PCDHGA6: variants seen among roughly 807,000 people sequenced by gnomAD.
PCDHGA6 encodes the protein protocadherin gamma-A6.
Under a neutral mutation model 60.6 loss-of-function variants are expected in PCDHGA6, and 41 were observed. That is an observed-to-expected ratio of 0.68 (90% CI 0.53 to 0.88). The LOEUF is 0.88. Ranked by LOEUF, PCDHGA6 falls within the 40% of genes least tolerant of loss-of-function variation. The probability of loss-of-function intolerance (pLI) is 0.00; values close to 1 mark genes in which losing one functional copy is unlikely to be tolerated. For synonymous variants in PCDHGA6, 594 were observed against 524.4 expected (o/e 1.13, Z -1.81); for missense variants, 1,312 against 1,203.0 (o/e 1.09, Z -1.34).
intron 1 of PCDHGA6, among the ~76,000 whole-genome samples, chr5:141,434,340 G>A (rs2097687601): frequency 6.6e-6 from 1 of 152,150 alleles, no homozygotes; most frequent in Non-Finnish European, 1.5e-5. Context: ...TTTGTGTCGG[G>A]AACAGGCCCC....
At chr5:141,400,538 A>G (rs994052728) in intron 1 of PCDHGA6, 1 of 1,613,662 alleles carries the variant, frequency 6.2e-7, no homozygotes, top group African/African-American at 1.3e-5. Context: ...AGTTTCATTT[A>G]TGTCTATTCT....
At chr5:141,422,957 A>C in intron 1 of PCDHGA6, 1 of 1,614,190 alleles carries the variant, frequency 6.2e-7, no homozygotes. Flanking sequence ...ACTGGCGTGG[A>C]GCTGGCGCCC....
At chr5:141,430,829 T>A (rs763916884) in intron 1 of PCDHGA6, 1 of 1,554,558 alleles carries the variant, frequency 6.4e-7, no homozygotes, top group Non-Finnish European at 8.7e-7. Context: ...GGGGACTCTG[T>A]GGGAGACCGG....
In PCDHGA6 at chr5:141,393,531, C is replaced by T. The variant is rs997965420; in HGVS notation, c.2424+17024C>T. On this transcript the variant is annotated intron_variant, in intron 1 of 3. Transcript: ENST00000517434. ...AGTGTTGGATACAAATGACAATGCC[C>T]CGGTTTTTCCTCACCCGATTTACCG... 4 of 1,613,890 alleles carry T rather than the reference C, an allele frequency of 2.5e-6. No individual in the cohort carries two copies. Among genetic ancestry groups the T allele is most frequent in the African/African-American group, 2.7e-5 (2 of 74,946 alleles).
intron 1 of PCDHGA6, chr5:141,415,889 T>C: frequency 2.1e-6 from 2 of 942,152 alleles, no homozygotes; most frequent in Non-Finnish European, 2.9e-6. Context: ...TATTGACAAT[T>C]CCTAAGACAG....
chr5:141,410,843 C>CTTTTTAT, intron 1 of PCDHGA6: 1 of 216,280 alleles, frequency 4.6e-6, no homozygotes. Context: ...GATATTTTGT[C>CTTTTTAT]TTTGTCTTTT....
intron 1 of PCDHGA6, chr5:141,394,390 G>C (rs758609540): frequency 1.2e-6 from 2 of 1,614,100 alleles, no homozygotes; most frequent in Non-Finnish European, 1.7e-6. Context: ...GAGCAGATCC[G>C]AGACCTGCAG....
chr5:141,478,911 T>TA, intron 1 of PCDHGA6: 1 of 871,162 alleles, frequency 1.1e-6, no homozygotes, highest in Non-Finnish European at 1.7e-6. Flanking sequence ...AGCTGCTGGA[T>TA]ACCTCTAACC....
At chr5:141,441,852 G>A in intron 1 of PCDHGA6, 1 of 352,826 alleles carries the variant, frequency 2.8e-6, no homozygotes, top group South Asian at 2.4e-5. Flanking sequence ...TGGATATGGT[G>A]CTGCACGCCG....
intron 1 of PCDHGA6, chr5:141,385,127 T>C: frequency 6.2e-7 from 1 of 1,614,222 alleles, no homozygotes. Context: ...TTTGTGGGCA[T>C]GGACGGGGTG....
chr5:141,418,730 G>GT, intron 1 of PCDHGA6: 1 of 1,613,952 alleles, frequency 6.2e-7, no homozygotes, highest in Non-Finnish European at 8.5e-7. Context: ...AGCTCAGCAC[G>GT]TGTTCTCTCT....
intron 3 of PCDHGA6, chr5:141,508,128 T>C (rs1490298338): frequency 6.6e-6 from 1 of 151,706 alleles, no homozygotes; most frequent in African/African-American, 2.4e-5. Context: ...CAGAGGGAGG[T>C]CAGGGAGCTG....
intron 1 of PCDHGA6, among the ~76,000 whole-genome samples, chr5:141,455,138 T>C (rs1393664563): frequency 6.6e-6 from 1 of 151,028 alleles, no homozygotes; most frequent in Non-Finnish European, 1.5e-5. Context: ...TTACACTGTG[T>C]TAAATAAATA....
At chr5:141,398,529 G>A (rs375949491) in intron 1 of PCDHGA6, 2 of 1,613,544 alleles carry the variant, frequency 1.2e-6, no homozygotes, top group South Asian at 1.1e-5. Flanking sequence ...CAAAATTCAC[G>A]CAAAATTCCT....
chr5:141,454,693 A>G (rs951819293), intron 1 of PCDHGA6, among the ~76,000 whole-genome samples: 1 of 151,738 alleles, frequency 6.6e-6, no homozygotes, highest in Non-Finnish European at 1.5e-5. Context: ...GGCATGAGCC[A>G]CCATGCTCCA....
At chr5:141,510,450 T>G (rs1273211856) in intron 3 of PCDHGA6, among the ~76,000 whole-genome samples, 1 of 151,946 alleles carries the variant, frequency 6.6e-6, no homozygotes, top group Non-Finnish European at 1.5e-5. Flanking sequence ...CAGGAGCCCA[T>G]GGTCTAGTGT....
chr5:141,477,013 T>C lies in PCDHGA6; in HGVS notation c.2425-17794T>C. ...TGCGGCAACTATTCGCCTTAGACCT[T>C]GTAACCGGGATGCTGACAATCAAGG... On this transcript the variant is annotated intron_variant, in intron 1 of 3. Coordinates refer to ENST00000517434, the MANE Select transcript of PCDHGA6 (RefSeq NM_018919.3). The surrounding 1 kb of genome is among the most constrained non-coding windows in gnomAD (Gnocchi z 4.9). 6.2e-7 allele frequency: 1 copy of C among 1,614,204 alleles called. No homozygotes were observed. The highest frequency in any genetic ancestry group is 8.5e-7 in the Non-Finnish European group (1 of 1,180,028).
At chr5:141,424,726 T>C (rs1041673348) in intron 1 of PCDHGA6, 7 of 152,218 alleles carry the variant, frequency 4.6e-5, no homozygotes, top group African/African-American at 4.8e-5. Context: ...TTGGGAGTCA[T>C]AGATTCCTTC....
intron 1 of PCDHGA6, among the ~76,000 whole-genome samples, chr5:141,484,645 T>C (rs948669787): frequency 1.3e-5 from 2 of 151,970 alleles, no homozygotes; most frequent in Admixed American, 6.6e-5. Context: ...CACTCTCCAA[T>C]GGCTACTCTC....
Sources: allele counts gnomAD v4.1 joint callset (sites outside exome capture counted in the v4.1 genomes callset), GRCh38; gene constraint gnomAD v4.1.1; non-coding constraint Gnocchi (gnomAD v3.1); transcripts MANE v1.5; gene names NCBI Gene and HGNC (gene_info 2026-07-23, HGNC 2026-07-21).